The following KDM2B variants were observed in gnomAD, a reference collection of about 807,000 sequenced individuals.
KDM2B encodes lysine demethylase 2B.
KDM2B carries 26 observed loss-of-function variants against 150.0 expected under a neutral mutation model. That is an observed-to-expected ratio of 0.17 (90% CI 0.13 to 0.24). The LOEUF (loss-of-function observed/expected upper bound fraction) is 0.24, where lower values mean the gene tolerates loss of function less well. KDM2B is among the 10% of genes least tolerant of loss of function. The probability of loss-of-function intolerance (pLI) is 1.00; values close to 1 mark genes in which losing one functional copy is unlikely to be tolerated. For missense variants in KDM2B, 1,265 were observed against 1,816.9 expected, an observed-to-expected ratio of 0.70 and a Z score of 5.52; for synonymous variants, 734 against 729.5, an observed-to-expected ratio of 1.01 and a Z score of -0.10.
chr12:121,422,444 C>T, the KDM2B span, among the ~76,000 whole-genome samples: 1 of 152,214 alleles, frequency 6.6e-6, no homozygotes, highest in African/African-American at 2.4e-5. Context: ...CTTGAGTTGC[C>T]TAGTGCCTTC....
chr12:121,502,938 T>C (rs1236023339), intron 11 of KDM2B, among the ~76,000 whole-genome samples: 1 of 149,364 alleles, frequency 6.7e-6, no homozygotes, highest in African/African-American at 2.5e-5. Context: ...GTAAAAAAAA[T>C]AAAATTTTTT....
intron 10 of KDM2B, among the ~76,000 whole-genome samples, chr12:121,511,566 G>A (rs1340692644): frequency 2.6e-5 from 4 of 152,138 alleles, no homozygotes; most frequent in African/African-American, 9.7e-5. Context: ...GATTACAGGC[G>A]TGAGCCATCG....
At chr12:121,413,415 C>CTTTTTTTTTTTT in the KDM2B span, among the ~76,000 whole-genome samples, 352 of 130,458 alleles carry the variant, frequency 2.7e-3, 6 homozygotes, top group African/African-American at 7.5e-3. Flanking sequence ...TTTACCTGTC[C>CTTTTTTTTTTTT]TTTTTTTTTT....
intron 20 of KDM2B, 24 bp downstream of exon 20, chr12:121,441,046 C>T (rs782614583): frequency 2.0e-5 from 33 of 1,613,458 alleles, no homozygotes; most frequent in African/African-American, 2.7e-5. Flanking sequence ...CAGACACACT[C>T]GGGGCCACTG....
At chr12:121,524,522 G>C (rs1472231624) in intron 8 of KDM2B, among the ~76,000 whole-genome samples, 1 of 152,194 alleles carries the variant, frequency 6.6e-6, no homozygotes, top group African/African-American at 2.4e-5. Flanking sequence ...CCCCTTCGCA[G>C]CCAGGGCCTC....
rs371614406 is a variant in KDM2B at position 121,546,379 on chromosome 12, C to CTTTTTTTTTTTTTTTTTTTTTTT, written c.683+2497_683+2498insAAAAAAAAAAAAAAAAAAAAAAA. On this transcript the variant is annotated intron_variant, in intron 6 of 22. Coordinates refer to ENST00000377071, the MANE Select transcript of KDM2B (RefSeq NM_032590.5). Reference sequence around the variant, plus strand: ...CATCTCCTCTGTCTTTTTTTTTTGCCTTTTTTTTTTTTTTTTTTTTTGAGA... The same window carrying CTTTTTTTTTTTTTTTTTTTTTTT: ...CATCTCCTCTGTCTTTTTTTTTTGCCTTTTTTTTTTTTTTTTTTTTTTTTTTTTTTTTTTTTTTTTTTTTGAGA... 4.1e-5 allele frequency among the ~76,000 whole-genome samples: 4 copies of CTTTTTTTTTTTTTTTTTTTTTTT among 97,478 alleles called. 1 individual carries two copies. The highest frequency in any genetic ancestry group is 8.3e-5 in the African/African-American group (2 of 24,020). The allele number at this position is 97,478 out of a possible 152,430, so 63.9% of individuals were successfully genotyped here.
intron 12 of KDM2B, among the ~76,000 whole-genome samples, chr12:121,481,020 C>T (rs1245977246): frequency 2.0e-5 from 3 of 151,490 alleles, no homozygotes; most frequent in Admixed American, 6.6e-5. Flanking sequence ...CTCCACCTCC[C>T]GAGTTCAAGC....
rs147467595 is a variant in KDM2B at position 121,482,831 on chromosome 12, T to C, written c.1734+11748A>G. ...AAGTATTTCCTGGGCCCTTGCAATC[T>C]GGGAGCAGTTTGCGTTGACAGGATG... is the stretch of plus-strand genomic sequence containing the variant. On this transcript the variant is annotated intron_variant, in intron 12 of 22. Transcript: ENST00000377071. Among the ~76,000 whole-genome samples the C allele has an allele frequency of 5.7e-3, 873 of 152,248 alleles. 11 individuals are homozygous for C. The highest frequency in any genetic ancestry group is 0.02 in the African/African-American group (825 of 41,548).
intron 6 of KDM2B, among the ~76,000 whole-genome samples, chr12:121,545,119 A>G (rs952731142): frequency 6.6e-6 from 1 of 152,182 alleles, no homozygotes; most frequent in Non-Finnish European, 1.5e-5. Context: ...CATCTTAATT[A>G]AATTCTACAG....
chr12:121,410,628 G>C, the KDM2B span, among the ~76,000 whole-genome samples: 1 of 151,562 alleles, frequency 6.6e-6, no homozygotes, highest in Non-Finnish European at 1.5e-5. Context: ...TCAAATTTCT[G>C]AACTTTCCAG....
At chr12:121,493,307 A>C (rs1555300264) in intron 12 of KDM2B, among the ~76,000 whole-genome samples, 1 of 152,000 alleles carries the variant, frequency 6.6e-6, no homozygotes, top group Non-Finnish European at 1.5e-5. Context: ...TTTAGAGTGC[A>C]CTAACCTCAG....
At chr12:121,443,873 G>A in intron 16 of KDM2B, 80 bp from the exon 17 acceptor site, 1 of 1,392,800 alleles carries the variant, frequency 7.2e-7, no homozygotes, top group Non-Finnish European at 9.9e-7. Context: ...TCAGGACTTA[G>A]GTGACCTGCT....
intron 12 of KDM2B, among the ~76,000 whole-genome samples, chr12:121,464,243 A>G (rs1482143990): frequency 6.6e-6 from 1 of 152,206 alleles, no homozygotes; most frequent in Non-Finnish European, 1.5e-5. Flanking sequence ...AAAACAAAAA[A>G]CAAGATGGAA....
rs1875693159 is a variant in KDM2B, at chr12:121,444,074, C to T, written c.2389G>A (p.Asp797Asn). ...PDGLLRRKSD[D>N]VHLRKKRKYE... Reference sequence around the variant, plus strand: ...TTCCGCTTCTTCCTCAGGTGCACGTCGTCAGACTTTCTGCGCAGAAGGCCG... The same window carrying T: ...TTCCGCTTCTTCCTCAGGTGCACGTTGTCAGACTTTCTGCGCAGAAGGCCG... The change falls in exon 16 of 23, where the codon GAC (aspartate) becomes AAC (asparagine). Residue 797 changes from aspartate (D) to asparagine (N), a missense_variant. Coordinates refer to ENST00000377071, the MANE Select transcript of KDM2B (RefSeq NM_032590.5). 3 of 1,614,000 alleles carry T rather than the reference C, an allele frequency of 1.9e-6. No individual in the cohort carries two copies. The highest frequency in any genetic ancestry group is 2.2e-5 in the East Asian group (1 of 44,882).
chr12:121,512,120 C>A (rs1555304114), intron 10 of KDM2B, among the ~76,000 whole-genome samples: 1 of 152,202 alleles, frequency 6.6e-6, no homozygotes, highest in African/African-American at 2.4e-5. Flanking sequence ...CAGCCTCTGT[C>A]TCCGGGGGAT....
intron 12 of KDM2B, among the ~76,000 whole-genome samples, chr12:121,481,788 T>TTTGTTTGC (rs1555297943): frequency 2.0e-5 from 3 of 151,954 alleles, no homozygotes; most frequent in African/African-American, 7.3e-5. Context: ...TGTTTGTTTG[T>TTTGTTTGC]TTGTTTTGAG....
chr12:121,450,856 A>AAC (rs112560221), intron 13 of KDM2B, among the ~76,000 whole-genome samples: 2 of 148,630 alleles, frequency 1.3e-5, no homozygotes, highest in African/African-American at 5.0e-5. Flanking sequence ...GCAAGACTCC[A>AAC]TCAAAAAAAA....
chr12:121,447,224 G>A (rs1876426559), intron 13 of KDM2B, among the ~76,000 whole-genome samples: 1 of 151,792 alleles, frequency 6.6e-6, no homozygotes, highest in African/African-American at 2.4e-5. Flanking sequence ...CACAGAAGCA[G>A]ATATGAAAAT....
intron 13 of KDM2B, among the ~76,000 whole-genome samples, chr12:121,449,298 G>A (rs1423754794): frequency 6.6e-6 from 1 of 152,128 alleles, no homozygotes; most frequent in Non-Finnish European, 1.5e-5. Context: ...CAGCGACGGA[G>A]CAAAGGGAGG....
Sources: allele counts gnomAD v4.1 joint callset (sites outside exome capture counted in the v4.1 genomes callset), GRCh38; gene constraint gnomAD v4.1.1; transcripts MANE v1.5; gene names NCBI Gene and HGNC (gene_info 2026-07-23, HGNC 2026-07-21).